Variants in SEZ6L observed in about 807,000 individuals in gnomAD.
SEZ6L encodes seizure 6-like protein.
In SEZ6L, 37 loss-of-function variants were observed where a neutral mutation model predicts 106.2. That is an observed-to-expected ratio of 0.35 (90% CI 0.27 to 0.46). The LOEUF (loss-of-function observed/expected upper bound fraction) is 0.46. SEZ6L is among the 20% of genes least tolerant of loss of function. SEZ6L has a pLI of 1.00. For synonymous variants in SEZ6L, 541 were observed against 570.4 expected (o/e 0.95, Z 0.73); for missense variants, 1,172 against 1,332.8 (o/e 0.88, Z 1.88).
intron 1 of SEZ6L, among the ~76,000 whole-genome samples, chr22:26,203,605 T>C (rs1941113633): frequency 1.3e-5 from 2 of 152,232 alleles, no homozygotes; most frequent in African/African-American, 4.8e-5. Context: ...GAACACTTAC[T>C]AAGCACATGC....
intron 9 of SEZ6L, among the ~76,000 whole-genome samples, chr22:26,315,030 G>A (rs1285331421): frequency 1.3e-5 from 2 of 152,250 alleles, no homozygotes; most frequent in Non-Finnish European, 1.5e-5. Flanking sequence ...GGTGGCAGAC[G>A]GGAGGGTGGT....
At chr22:26,308,549 C>T (rs924377747) in intron 6 of SEZ6L, among the ~76,000 whole-genome samples, 21 of 151,994 alleles carry the variant, frequency 1.4e-4, no homozygotes, top group African/African-American at 4.6e-4. Flanking sequence ...CATAATATGC[C>T]CCCAAAAAAG....
At chr22:26,227,209 G>T (rs924276917) in intron 1 of SEZ6L, among the ~76,000 whole-genome samples, 1 of 152,126 alleles carries the variant, frequency 6.6e-6, no homozygotes, top group Non-Finnish European at 1.5e-5. Flanking sequence ...GCATATTCAG[G>T]CTCAGAGTCT....
chr22:26,171,196 C>CT (rs1432182736), intron 1 of SEZ6L, among the ~76,000 whole-genome samples: 1 of 152,168 alleles, frequency 6.6e-6, no homozygotes, highest in Non-Finnish European at 1.5e-5. Flanking sequence ...ACCCCCACCC[C>CT]TTTTTTATGG....
Position 26,241,023 on chromosome 22 carries a change from G to C in SEZ6L, c.95-51383G>C, listed in dbSNP as rs927372454. Among the ~76,000 whole-genome samples the C allele has an allele frequency of 2.6e-5, 4 of 152,206 alleles. No homozygotes were observed. In the South Asian group the frequency reaches 8.3e-4, roughly 32 times the overall value. On this transcript the variant is annotated intron_variant, in intron 1 of 16. Coordinates refer to ENST00000248933, the MANE Select transcript of SEZ6L (RefSeq NM_021115.5). The stretch of plus-strand genomic sequence containing the variant: ...CGTCCATGCACCCAAGTGAGGGAGA[G>C]AGACATGCAGACACTCTAGAGAAGA...
rs35749592 is a variant in SEZ6L at position 26,383,069 on chromosome 22, C to CTTTTT, written c.*2788_*2792dup. The CTTTTT allele has an allele frequency of 3.3e-5, 4 of 119,662 alleles. No individual in the cohort carries two copies. Among genetic ancestry groups the CTTTTT allele is most frequent in the South Asian group, 2.7e-4 (1 of 3,698 alleles). 7.4% of individuals were successfully genotyped at this position (119,662 alleles called of 1,614,324 possible). On this transcript the variant is annotated 3_prime_UTR_variant, in exon 17 of 17. Coordinates refer to ENST00000248933, the MANE Select transcript of SEZ6L (RefSeq NM_021115.5). ...CTTTAGCTTGGAGCTCAGCTTTTTGCTTTTTTTTTTTTTTTTTTGTAGAAT... is the reference window on the plus strand; with the variant it reads ...CTTTAGCTTGGAGCTCAGCTTTTTGCTTTTTTTTTTTTTTTTTTTTTTTGTAGAAT...
At chr22:26,245,084 A>C (rs1017563002) in intron 1 of SEZ6L, among the ~76,000 whole-genome samples, 5 of 152,148 alleles carry the variant, frequency 3.3e-5, no homozygotes, top group African/African-American at 1.2e-4. Context: ...CCTTAAGTAC[A>C]TCTGCCTTTG....
At chr22:26,376,602 G>T (rs937268536) in intron 15 of SEZ6L, among the ~76,000 whole-genome samples, 14 of 152,078 alleles carry the variant, frequency 9.2e-5, no homozygotes, top group African/African-American at 3.4e-4. Flanking sequence ...AATAAAATTA[G>T]CCTGGGCATG....
intron 5 of SEZ6L, among the ~76,000 whole-genome samples, chr22:26,304,606 T>G (rs2081577931): frequency 6.6e-6 from 1 of 152,180 alleles, no homozygotes; most frequent in Admixed American, 6.5e-5. Context: ...TCATTAGATT[T>G]TTATGATAAA....
intron 9 of SEZ6L, among the ~76,000 whole-genome samples, chr22:26,324,144 G>C (rs1569463263): frequency 6.6e-6 from 1 of 151,342 alleles, no homozygotes. Flanking sequence ...TGCTCCACAT[G>C]AGAGAAATTC....
At position 26,311,655 on chromosome 22, in the gene SEZ6L, C is replaced by A. The variant is rs372147093; in HGVS notation, c.1682-113C>A. The A allele has an allele frequency of 1.2e-4, 109 of 925,836 alleles. No individual in the cohort carries two copies. In the East Asian group the frequency reaches 2.5e-3, roughly 21 times the overall value. The allele number at this position is 925,836 out of a possible 1,614,324, so 57.4% of individuals were successfully genotyped here. ...TGGAACCAGGACACGTAATTTGGTA[C>A]CTGTTTTCTTTGGGGCTTTTCTAAA... On this transcript the variant is annotated intron_variant, in intron 7 of 16. Coordinates refer to ENST00000248933, the MANE Select transcript of SEZ6L (RefSeq NM_021115.5).
At chr22:26,347,135 G>A (rs2083033619) in intron 10 of SEZ6L, among the ~76,000 whole-genome samples, 1 of 151,860 alleles carries the variant, frequency 6.6e-6, no homozygotes, top group African/African-American at 2.4e-5. Flanking sequence ...GTTTGAGGCT[G>A]TGGAGAGCTA....
At chr22:26,256,773 G>A (rs1008065043) in intron 1 of SEZ6L, among the ~76,000 whole-genome samples, 1 of 152,214 alleles carries the variant, frequency 6.6e-6, no homozygotes, top group Non-Finnish European at 1.5e-5. Context: ...AGAAACTCTG[G>A]GGGTAGGGCC....
chr22:26,169,984 T>A (rs886708590), intron 1 of SEZ6L, among the ~76,000 whole-genome samples: 4 of 152,178 alleles, frequency 2.6e-5, no homozygotes, highest in Middle Eastern at 3.4e-3. Flanking sequence ...CTTCCCTGCT[T>A]CGGCTGCGGG....
At chr22:26,212,714 C>T (rs112070995) in intron 1 of SEZ6L, among the ~76,000 whole-genome samples, 108 of 152,310 alleles carry the variant, frequency 7.1e-4, no homozygotes, top group African/African-American at 2.3e-3. Flanking sequence ...TGAGCCACCA[C>T]GCCTGGCCAA....
intron 1 of SEZ6L, among the ~76,000 whole-genome samples, chr22:26,185,411 C>T (rs1322018800): frequency 1.3e-5 from 2 of 152,180 alleles, no homozygotes; most frequent in Non-Finnish European, 2.9e-5. Context: ...ATTTCTGTCC[C>T]TCTCTGGTCT....
chr22:26,266,488 G>A (rs113260122), intron 1 of SEZ6L, among the ~76,000 whole-genome samples: 14,144 of 151,470 alleles, frequency 0.093, 882 homozygotes, highest in Middle Eastern at 0.2. Flanking sequence ...CAGGAGAATG[G>A]CGTGAACCCG....
At chr22:26,370,360 G>T (rs940361019) in intron 13 of SEZ6L, among the ~76,000 whole-genome samples, 1 of 152,056 alleles carries the variant, frequency 6.6e-6, no homozygotes. Flanking sequence ...ACTCCAGCCT[G>T]GGTGACAGAA....
intron 1 of SEZ6L, 112 bp downstream of exon 1, chr22:26,169,875 G>GCGGT (rs1938456027): frequency 2.2e-6 from 1 of 450,336 alleles, no homozygotes; most frequent in Admixed American, 4.5e-5. Context: ...GGGATGGGAA[G>GCGGT]CGGTGGTGGC....
Sources: allele counts gnomAD v4.1 joint callset (sites outside exome capture counted in the v4.1 genomes callset), GRCh38; gene constraint gnomAD v4.1.1; transcripts MANE v1.5; gene names NCBI Gene and HGNC (gene_info 2026-07-23, HGNC 2026-07-21).